The following SLC9A9 variants were observed in gnomAD, a reference collection of about 807,000 sequenced individuals.
SLC9A9 encodes sodium/hydrogen exchanger 9.
In SLC9A9, 62 loss-of-function variants were observed where a neutral mutation model predicts 77.8. The ratio of observed to expected loss-of-function variants is 0.80; its 90% CI spans 0.65 to 0.98. SLC9A9 has a LOEUF of 0.98. Among genes scored for constraint, SLC9A9 ranks in the 50% least tolerant of loss-of-function variants. The pLI is 0.00. For missense variants in SLC9A9, 775 were observed against 774.9 expected (o/e 1.00, Z 0.00); for synonymous variants, 320 against 283.5 (o/e 1.13, Z -1.29).
At chr3:143,586,958 A>G (rs912864697) in intron 6 of SLC9A9, among the ~76,000 whole-genome samples, 6 of 152,228 alleles carry the variant, frequency 3.9e-5, no homozygotes, top group Admixed American at 1.3e-4. Context: ...GGGAAACATC[A>G]ATTAACTCTT....
At chr3:143,668,349 G>A (rs2039105153) in intron 5 of SLC9A9, among the ~76,000 whole-genome samples, 1 of 107,132 alleles carries the variant, frequency 9.3e-6, no homozygotes. Flanking sequence ...GGGGAGGGGG[G>A]AGGGATAGCA....
chr3:143,400,245 A>C (rs1246042741), intron 12 of SLC9A9, among the ~76,000 whole-genome samples: 1 of 152,146 alleles, frequency 6.6e-6, no homozygotes, highest in Non-Finnish European at 1.5e-5. Context: ...CTAGTATGTT[A>C]TTTGCTGTCA....
chr3:143,452,397 T>C (rs2035022385), intron 12 of SLC9A9, among the ~76,000 whole-genome samples: 1 of 151,572 alleles, frequency 6.6e-6, no homozygotes, highest in South Asian at 2.1e-4. Flanking sequence ...ACATTAATTG[T>C]TGCTGTGGGA....
chr3:143,537,609 T>TTTA (rs1218244769), intron 9 of SLC9A9, among the ~76,000 whole-genome samples: 1 of 152,252 alleles, frequency 6.6e-6, no homozygotes, highest in African/African-American at 2.4e-5. Flanking sequence ...GTACTTCATT[T>TTTA]TTATGTGTTC....
intron 8 of SLC9A9, among the ~76,000 whole-genome samples, chr3:143,556,603 T>C (rs2036987471): frequency 6.6e-6 from 1 of 152,200 alleles, no homozygotes; most frequent in Non-Finnish European, 1.5e-5. Context: ...TCATTTCCCT[T>C]TACTTTTCCT....
intron 2 of SLC9A9, among the ~76,000 whole-genome samples, chr3:143,817,133 AT>A (rs530897837): frequency 0.091 from 11,956 of 131,384 alleles, 752 homozygotes; most frequent in African/African-American, 0.21. Flanking sequence ...GCAAAAGTTT[AT>A]TTTTTTTTTT....
intron 6 of SLC9A9, among the ~76,000 whole-genome samples, chr3:143,630,543 G>A (rs75460284): frequency 0.019 from 2,943 of 152,060 alleles, 110 homozygotes; most frequent in African/African-American, 0.066. Context: ...GACTATTATC[G>A]GTGAGATTTT....
chr3:143,683,334 T>C lies in SLC9A9; in HGVS notation c.649+9858A>G, dbSNP rs566458283. 1.3e-3 allele frequency among the ~76,000 whole-genome samples: 195 copies of C among 152,184 alleles called. 1 individual carries two copies. The highest frequency in any genetic ancestry group is 4.5e-3 in the African/African-American group (187 of 41,528). ...TGAAGCTAACTTTCACTTACAGAAATATGAGGATATAGGAACAATTAAATG... is the reference window on the plus strand; with the variant it reads ...TGAAGCTAACTTTCACTTACAGAAACATGAGGATATAGGAACAATTAAATG... On this transcript the variant is annotated intron_variant, in intron 5 of 15. Transcript: ENST00000316549.
intron 4 of SLC9A9, among the ~76,000 whole-genome samples, chr3:143,784,526 T>A (rs1228513200): frequency 8.3e-6 from 1 of 120,764 alleles, no homozygotes; most frequent in Non-Finnish European, 1.6e-5. Flanking sequence ...AATTTGTAAT[T>A]TTTTTTTTTT....
intron 14 of SLC9A9, among the ~76,000 whole-genome samples, chr3:143,341,132 C>A (rs940606792): frequency 6.6e-6 from 1 of 152,130 alleles, no homozygotes; most frequent in African/African-American, 2.4e-5. Flanking sequence ...GAATTCCTTT[C>A]GCTGGATGTA....
At chr3:143,281,186 G>A (rs571788691) in intron 14 of SLC9A9, among the ~76,000 whole-genome samples, 1 of 152,278 alleles carries the variant, frequency 6.6e-6, no homozygotes, top group African/African-American at 2.4e-5. Context: ...CGGTGAAGGT[G>A]GTAAAGCCAC....
chr3:143,503,890 G>A, intron 9 of SLC9A9: 1 of 366,554 alleles, frequency 2.7e-6, no homozygotes, highest in Non-Finnish European at 5.3e-6. Context: ...TGAACATGGG[G>A]GCATCAGAGG....
intron 14 of SLC9A9, among the ~76,000 whole-genome samples, chr3:143,315,458 G>T (rs1396947818): frequency 6.6e-6 from 1 of 152,160 alleles, no homozygotes; most frequent in Non-Finnish European, 1.5e-5. Flanking sequence ...CTACTATGTG[G>T]CATGACCAAA....
At chr3:143,267,324 C>T (rs537493075) in intron 15 of SLC9A9, among the ~76,000 whole-genome samples, 1 of 148,688 alleles carries the variant, frequency 6.7e-6, no homozygotes, top group East Asian at 2.0e-4. Context: ...TCAAAAAATC[C>T]TTGAAACACA....
chr3:143,699,091 T>C (rs1933723006), intron 4 of SLC9A9, among the ~76,000 whole-genome samples: 1 of 152,242 alleles, frequency 6.6e-6, no homozygotes, highest in South Asian at 2.1e-4. Flanking sequence ...GCAATCCCTC[T>C]CAGAACTCAT....
At chr3:143,287,410 A>C (rs745943535) in intron 14 of SLC9A9, among the ~76,000 whole-genome samples, 28 of 152,114 alleles carry the variant, frequency 1.8e-4, no homozygotes, top group African/African-American at 5.3e-4. Context: ...AAAAAACAAC[A>C]ACCAAATTCC....
chr3:143,806,709 A>G (rs796288001), intron 2 of SLC9A9, among the ~76,000 whole-genome samples: 1 of 150,648 alleles, frequency 6.6e-6, no homozygotes, highest in Non-Finnish European at 1.5e-5. Context: ...GATGGTTACC[A>G]GAGGCTGGGA....
chr3:143,457,674 T>C, intron 12 of SLC9A9, among the ~76,000 whole-genome samples: 1 of 152,292 alleles, frequency 6.6e-6, no homozygotes, highest in Middle Eastern at 3.4e-3. Flanking sequence ...CTTCAAAATA[T>C]TTTCTAATTT....
chr3:143,792,182 C>A (rs934015624), intron 4 of SLC9A9, among the ~76,000 whole-genome samples: 1 of 152,106 alleles, frequency 6.6e-6, no homozygotes, highest in Non-Finnish European at 1.5e-5. Flanking sequence ...GGGCATGATA[C>A]GTATCAAGCA....
Sources: gnomAD v4.1 joint callset for allele counts (sites outside exome capture counted in the v4.1 genomes callset) on GRCh38, gnomAD v4.1.1 for gene constraint, MANE v1.5 for transcripts, NCBI Gene and HGNC (gene_info 2026-07-23, HGNC 2026-07-21) for gene names.